The following TULP3 variants were observed in gnomAD, a reference collection of about 807,000 sequenced individuals.
TULP3 encodes TUB like protein 3, also known as tubby-related protein 3.
In TULP3, 38 loss-of-function variants were observed where a neutral mutation model predicts 50.7. That is an observed-to-expected ratio of 0.75 (90% CI 0.58 to 0.98). The LOEUF is 0.98. TULP3 is among the 50% of genes least tolerant of loss of function. TULP3 has a pLI of 0.00. For missense variants in TULP3, 550 were observed against 568.0 expected (o/e 0.97, Z 0.32); for synonymous variants, 183 against 196.6 (o/e 0.93, Z 0.58).
chr12:2,916,607 A>G lies in TULP3; in HGVS notation c.94-4156A>G, dbSNP rs79079924. On this transcript the variant is annotated intron_variant, in intron 2 of 10. Coordinates refer to ENST00000448120, the MANE Select transcript of TULP3 (RefSeq NM_003324.5). ...TCTTCCTGGCTCCCTGACTTACTCT[A>G]TCTTGGTAATGAGTCCTTCATTGAT... is the stretch of plus-strand genomic sequence containing the variant. 4.5e-4 allele frequency among the ~76,000 whole-genome samples: 69 copies of G among 152,238 alleles called. No homozygotes were observed. In the East Asian group the frequency reaches 0.012, roughly 26 times the overall value.
intron 2 of TULP3, among the ~76,000 whole-genome samples, chr12:2,912,458 G>A (rs910819150): frequency 3.9e-5 from 6 of 152,190 alleles, no homozygotes; most frequent in African/African-American, 1.4e-4. Context: ...GCACATCCTA[G>A]CAGTTACCCT....
intron 1 of TULP3, among the ~76,000 whole-genome samples, chr12:2,891,595 A>G (rs938203136): frequency 2.0e-5 from 3 of 151,964 alleles, no homozygotes; most frequent in African/African-American, 4.8e-5. Context: ...AGAGCCTCGG[A>G]AAAAAAAGGA....
chr12:2,904,375 T>C (rs1317592514), intron 1 of TULP3, among the ~76,000 whole-genome samples: 1 of 152,202 alleles, frequency 6.6e-6, no homozygotes, highest in Non-Finnish European at 1.5e-5. Flanking sequence ...TCTCGCTCTG[T>C]TGCTCAGGCT....
chr12:2,893,715 TG>T (rs1180742979), intron 1 of TULP3, among the ~76,000 whole-genome samples: 15 of 111,902 alleles, frequency 1.3e-4, no homozygotes, highest in Non-Finnish European at 2.1e-4. Flanking sequence ...AGGTTTTCTG[TG>T]TTTTTTTTTT....
At chr12:2,927,117 G>T (rs2098195125) in intron 4 of TULP3, among the ~76,000 whole-genome samples, 1 of 150,094 alleles carries the variant, frequency 6.7e-6, no homozygotes, top group African/African-American at 2.5e-5. Flanking sequence ...CATATTGATA[G>T]AATCATACAC....
At chr12:2,897,756 C>T (rs549504974) in intron 1 of TULP3, among the ~76,000 whole-genome samples, 8 of 144,440 alleles carry the variant, frequency 5.5e-5, no homozygotes, top group Admixed American at 5.0e-4. Context: ...CTGCCTGGCC[C>T]GAGACCCTGT....
Position 2,937,231 on chromosome 12 carries a change from T to TTC in TULP3, c.925-400_925-399insTC, listed in dbSNP as rs1555115468. The stretch of plus-strand genomic sequence containing the variant: ...TTTTTTTTTTTTTTTTTTTTTTTTT[T>TTC]CTGAGGCAGAGTCTCACTCTTGTCG... On this transcript the variant is annotated intron_variant, in intron 8 of 10. Transcript: ENST00000448120. 3.5e-3 allele frequency among the ~76,000 whole-genome samples: 462 copies of TTC among 130,346 alleles called. 19 individuals carry two copies. The highest frequency in any genetic ancestry group is 0.012 in the African/African-American group (367 of 31,370). 85.5% of individuals were successfully genotyped at this position (130,346 alleles called of 152,430 possible). A position where few individuals can be genotyped will look rare whatever the true frequency, so the allele number is the denominator to read the frequency against.
chr12:2,907,141 C>T (rs562636717), intron 1 of TULP3, among the ~76,000 whole-genome samples: 1 of 151,876 alleles, frequency 6.6e-6, no homozygotes, highest in Admixed American at 6.6e-5. Context: ...AGTTCAAGAC[C>T]AGCCTGGCCA....
intron 2 of TULP3, among the ~76,000 whole-genome samples, chr12:2,917,983 G>A (rs891443608): frequency 4.6e-5 from 7 of 151,966 alleles, no homozygotes; most frequent in South Asian, 2.1e-4. Context: ...TAGCTACTCC[G>A]GAGGCTGAGT....
chr12:2,905,914 G>A (rs1408602912), intron 1 of TULP3, among the ~76,000 whole-genome samples: 1 of 151,692 alleles, frequency 6.6e-6, no homozygotes, highest in African/African-American at 2.4e-5. Flanking sequence ...ACAGAGTGCA[G>A]ATTTGTAGCA....
At chr12:2,907,852 T>G (rs993063733) in intron 1 of TULP3, among the ~76,000 whole-genome samples, 2 of 152,106 alleles carry the variant, frequency 1.3e-5, no homozygotes, top group African/African-American at 2.4e-5. Flanking sequence ...GGGCACAAAG[T>G]CAAGGCCAGA....
intron 10 of TULP3, among the ~76,000 whole-genome samples, chr12:2,938,499 C>A (rs1417195305): frequency 6.6e-6 from 1 of 152,074 alleles, no homozygotes; most frequent in Non-Finnish European, 1.5e-5. Context: ...GATGCTATAG[C>A]AAATCAGAGA....
At chr12:2,893,327 G>GTTTTTTTT (rs36190881) in intron 1 of TULP3, among the ~76,000 whole-genome samples, 1 of 128,160 alleles carries the variant, frequency 7.8e-6, no homozygotes, top group South Asian at 2.4e-4. Flanking sequence ...TGTTTAATGT[G>GTTTTTTTT]TTTTTTTTTT....
Position 2,890,917 on chromosome 12 carries a change from G to C in TULP3, c.-31G>C. 6.3e-7 allele frequency: 1 copy of C among 1,583,630 alleles called. No homozygotes were observed. The highest frequency in any genetic ancestry group is 8.6e-7 in the Non-Finnish European group (1 of 1,165,560). ...CTCTAGCGACGGCGGGGAAGAGTGT[G>C]TACGTGGTGGGGGCTTCCTCGGTGG... On this transcript the variant is annotated 5_prime_UTR_variant, in exon 1 of 11. Coordinates refer to ENST00000448120, the MANE Select transcript of TULP3 (RefSeq NM_003324.5).
At chr12:2,911,182 AG>A (rs1324027379) in intron 2 of TULP3, among the ~76,000 whole-genome samples, 16 of 152,034 alleles carry the variant, frequency 1.1e-4, no homozygotes, top group Admixed American at 1.0e-3. Flanking sequence ...AACTTTTGTA[AG>A]CCTTTTTGTA....
intron 2 of TULP3, among the ~76,000 whole-genome samples, chr12:2,917,288 A>G (rs1478295234): frequency 2.0e-5 from 3 of 152,168 alleles, no homozygotes; most frequent in East Asian, 3.9e-4. Flanking sequence ...CCTGGTCAAC[A>G]TGGTGAAACT....
At chr12:2,917,482 A>AG in intron 2 of TULP3, among the ~76,000 whole-genome samples, 1 of 150,718 alleles carries the variant, frequency 6.6e-6, no homozygotes, top group East Asian at 2.0e-4. Flanking sequence ...AAAAAAAAAA[A>AG]AAGATACTTC....
At chr12:2,900,245 G>A (rs919311690) in intron 1 of TULP3, among the ~76,000 whole-genome samples, 26 of 152,046 alleles carry the variant, frequency 1.7e-4, no homozygotes, top group Admixed American at 7.9e-4. Flanking sequence ...AAAAAACTTG[G>A]ATTCTAAAGA....
intron 4 of TULP3, among the ~76,000 whole-genome samples, chr12:2,929,730 A>G (rs1172911676): frequency 6.6e-6 from 1 of 151,992 alleles, no homozygotes; most frequent in Non-Finnish European, 1.5e-5. Context: ...AGCTGGGACT[A>G]CAGGTGCGTG....
Sources: allele counts gnomAD v4.1 joint callset (sites outside exome capture counted in the v4.1 genomes callset), GRCh38; gene constraint gnomAD v4.1.1; transcripts MANE v1.5; gene names NCBI Gene and HGNC (gene_info 2026-07-23, HGNC 2026-07-21).